Variants in MYO16 observed in about 807,000 individuals in gnomAD.
MYO16 encodes the protein myosin XVI.
In MYO16, 94 loss-of-function variants were observed where a neutral mutation model predicts 205.3. That is an observed-to-expected ratio of 0.46 (90% confidence interval 0.39 to 0.54). The LOEUF (loss-of-function observed/expected upper bound fraction) is 0.54, where lower values mean the gene tolerates loss of function less well. Ranked by LOEUF, MYO16 falls within the 20% of genes least tolerant of loss-of-function variation. The pLI is 0.00. For synonymous variants in MYO16, 988 were observed against 954.0 expected (o/e 1.04, Z -0.66); for missense variants, 2,315 against 2,387.5 (o/e 0.97, Z 0.63).
chr13:109,143,116 T>C (rs1437184371), intron 32 of MYO16, among the ~76,000 whole-genome samples: 1 of 152,084 alleles, frequency 6.6e-6, no homozygotes, highest in Non-Finnish European at 1.5e-5. Flanking sequence ...GAAGTAAACT[T>C]TGACCTACAG....
intron 16 of MYO16, among the ~76,000 whole-genome samples, chr13:108,919,210 G>A (rs1430263108): frequency 6.6e-6 from 1 of 152,200 alleles, no homozygotes; most frequent in Non-Finnish European, 1.5e-5. Flanking sequence ...CTGAGGCAGG[G>A]CAGGTGCTGG....
chr13:108,679,105 G>T (rs1882350521), intron 2 of MYO16, among the ~76,000 whole-genome samples: 3 of 152,146 alleles, frequency 2.0e-5, no homozygotes, highest in African/African-American at 7.2e-5. Context: ...ATCACATTGG[G>T]AATTGGGCTT....
rs749558910 is a variant in MYO16 at position 109,003,722 on chromosome 13, CG to C, written c.2443-5174del. ...TATTCAATTCAGTAAAATATTAGTA[CG>C]AAAAAAACAATTACAGTATCTGTTT... On this transcript the variant is annotated intron_variant, in intron 21 of 34. Coordinates refer to ENST00000457511, the MANE Select transcript of MYO16 (RefSeq NM_001198950.3). 5.9e-5 allele frequency among the ~76,000 whole-genome samples: 9 copies of C among 152,110 alleles called. No homozygotes were observed. The East Asian group carries it at 9.6e-4, about 16-fold the overall frequency.
chr13:108,604,444 G>T (rs1393857258), intron 1 of MYO16, among the ~76,000 whole-genome samples: 1 of 152,216 alleles, frequency 6.6e-6, no homozygotes, highest in Non-Finnish European at 1.5e-5. Context: ...GTAACATTTA[G>T]AGAAGTATAG....
chr13:109,142,500 G>T (rs544847693), intron 32 of MYO16, among the ~76,000 whole-genome samples: 16 of 152,018 alleles, frequency 1.1e-4, no homozygotes, highest in Non-Finnish European at 2.1e-4. Flanking sequence ...AATTTTCCAT[G>T]CCTAAGTAAC....
intron 20 of MYO16, among the ~76,000 whole-genome samples, chr13:108,976,325 G>C (rs1884254823): frequency 6.6e-6 from 1 of 152,036 alleles, no homozygotes; most frequent in Non-Finnish European, 1.5e-5. Flanking sequence ...TTTGGAAAAG[G>C]ACAGGAGATA....
intron 16 of MYO16, among the ~76,000 whole-genome samples, chr13:108,922,186 T>C (rs7319555): frequency 5.9e-5 from 9 of 151,942 alleles, no homozygotes; most frequent in African/African-American, 2.2e-4. Context: ...ATTTAAATGA[T>C]TTAAAACCTA....
intron 2 of MYO16, among the ~76,000 whole-genome samples, chr13:108,678,115 A>T (rs1426523585): frequency 6.6e-6 from 1 of 152,250 alleles, no homozygotes; most frequent in East Asian, 1.9e-4. Flanking sequence ...TAGACGTGCC[A>T]TTTATAAGAT....
chr13:109,207,002 GTGTT>G lies in MYO16; in HGVS notation c.*170_*173del, dbSNP rs751252123. 5.6e-4 allele frequency: 180 copies of G among 320,600 alleles called. No individual in the cohort carries two copies. The highest frequency in any genetic ancestry group is 1.9e-3 in the South Asian group (47 of 25,302). The allele number at this position is 320,600 out of a possible 1,614,324, so 19.9% of individuals were successfully genotyped here. The stretch of plus-strand genomic sequence containing the variant: ...TATGAGATCCCGTGTGTGTGTGTGT[GTGTT>G]TGTGTGTGTGTGTGTGGGTTCTTTC... On this transcript the variant is annotated 3_prime_UTR_variant, in exon 35 of 35. Coordinates refer to ENST00000457511, the MANE Select transcript of MYO16 (RefSeq NM_001198950.3).
chr13:108,897,451 G>A (rs1013312092), intron 14 of MYO16, among the ~76,000 whole-genome samples: 6 of 152,180 alleles, frequency 3.9e-5, no homozygotes, highest in African/African-American at 1.4e-4. Flanking sequence ...TCAGCTGGGA[G>A]TTTCACCGCT....
intron 9 of MYO16, among the ~76,000 whole-genome samples, chr13:108,840,677 A>G (rs1877197456): frequency 6.6e-6 from 1 of 152,160 alleles, no homozygotes; most frequent in African/African-American, 2.4e-5. Flanking sequence ...AGCTGGGACT[A>G]CAGGCATGCA....
At chr13:109,160,712 C>A (rs1566541912) in intron 32 of MYO16, among the ~76,000 whole-genome samples, 1 of 152,198 alleles carries the variant, frequency 6.6e-6, no homozygotes, top group African/African-American at 2.4e-5. Context: ...TTTGATGTGA[C>A]TTTTCTTCAT....
the MYO16 span, among the ~76,000 whole-genome samples, chr13:108,567,741 A>T: frequency 7.9e-5 from 12 of 152,278 alleles, no homozygotes; most frequent in African/African-American, 2.6e-4. Flanking sequence ...ATTAAAGCAT[A>T]CAATTCAATA....
the MYO16 span, among the ~76,000 whole-genome samples, chr13:108,530,392 T>G: frequency 6.6e-6 from 1 of 152,248 alleles, no homozygotes; most frequent in African/African-American, 2.4e-5. Context: ...ATGTTTGGTG[T>G]GACAGGATAA....
chr13:108,695,734 C>T (rs562835982), intron 2 of MYO16, among the ~76,000 whole-genome samples: 2 of 152,146 alleles, frequency 1.3e-5, no homozygotes, highest in East Asian at 3.9e-4. Context: ...ATTTTATATT[C>T]ACTTGGTATA....
intron 4 of MYO16, among the ~76,000 whole-genome samples, chr13:108,750,122 G>C (rs914800865): frequency 5.3e-5 from 8 of 152,348 alleles, no homozygotes; most frequent in Middle Eastern, 3.4e-3. Flanking sequence ...AAGGCGAATA[G>C]GTGAATGAAG....
chr13:109,141,007 C>G lies in MYO16; in HGVS notation c.4795C>G (p.Pro1599Ala), dbSNP rs1877055022. The change falls in exon 32 of 35, where the codon CCG becomes GCG. Residue 1599 changes from proline (P) to alanine (A), a missense_variant. By Grantham distance (27) the Pro-to-Ala change is conservative (BLOSUM62 -1). Coordinates refer to ENST00000457511, the MANE Select transcript of MYO16 (RefSeq NM_001198950.3). The surrounding 1 kb of genome is among the most constrained non-coding windows in gnomAD (Gnocchi z 4.1). ...ASPPSTPPPPPPPPGPPPAPY... is the reference protein window; with the variant it reads ...ASPPSTPPPPAPPPGPPPAPY... ...CCCGCCGTCCACGCCGCCCCCGCCC[C>G]CGCCCCCGCCCGGGCCGCCCCCCGC... 1 of 1,322,768 alleles carries G rather than the reference C, an allele frequency of 7.6e-7. No individual in the cohort carries two copies. The highest frequency in any genetic ancestry group is 9.6e-7 in the Non-Finnish European group (1 of 1,038,778). The allele number at this position is 1,322,768 out of a possible 1,614,324, so 81.9% of individuals were successfully genotyped here.
chr13:109,159,160 A>G (rs1242588393), intron 32 of MYO16, among the ~76,000 whole-genome samples: 1 of 152,258 alleles, frequency 6.6e-6, no homozygotes, highest in Admixed American at 6.5e-5. Context: ...TCATAAGTTA[A>G]CAAGCTTAGG....
intron 6 of MYO16, among the ~76,000 whole-genome samples, chr13:108,800,397 T>A (rs1389710311): frequency 1.3e-5 from 2 of 152,178 alleles, no homozygotes; most frequent in African/African-American, 2.4e-5. Context: ...CCTAACACAC[T>A]AAGAGTGCTC....
Sources: gnomAD v4.1 joint callset for allele counts (sites outside exome capture counted in the v4.1 genomes callset) on GRCh38, gnomAD v4.1.1 for gene constraint, Gnocchi (gnomAD v3.1) non-coding constraint, MANE v1.5 for transcripts, NCBI Gene and HGNC (gene_info 2026-07-23, HGNC 2026-07-21) for gene names.